Variants in RALYL observed in about 807,000 individuals in gnomAD.
RALYL encodes the protein RALY RNA binding protein like, also known as RNA-binding Raly-like protein.
Under a neutral mutation model 35.1 loss-of-function variants are expected in RALYL, and 29 were observed. The observed-to-expected ratio is 0.83, with a 90% CI of 0.61 to 1.13. The LOEUF is 1.13. RALYL is among the 50% of genes most tolerant of loss of function. The pLI is 0.00. For synonymous variants in RALYL, 120 were observed against 127.6 expected (o/e 0.94, Z 0.40); for missense variants, 359 against 360.4 (o/e 1.00, Z 0.03).
intron 3 of RALYL, among the ~76,000 whole-genome samples, chr8:84,799,501 G>A (rs2133948725): frequency 6.6e-6 from 1 of 152,294 alleles, no homozygotes; most frequent in South Asian, 2.1e-4. Context: ...AATAAGAATT[G>A]AGAGGCAAGT....
chr8:84,317,639 G>A (rs961809396), intron 1 of RALYL, among the ~76,000 whole-genome samples: 1 of 152,160 alleles, frequency 6.6e-6, no homozygotes, highest in African/African-American at 2.4e-5. Flanking sequence ...ACATGGCCCT[G>A]TAAAAACAAG....
At chr8:84,226,034 C>G (rs1343539187) in intron 1 of RALYL, among the ~76,000 whole-genome samples, 2 of 152,186 alleles carry the variant, frequency 1.3e-5, no homozygotes, top group Non-Finnish European at 2.9e-5. Context: ...TGGACCAGTA[C>G]TGGTCTGTGG....
intron 2 of RALYL, among the ~76,000 whole-genome samples, chr8:84,600,637 C>G (rs1588438505): frequency 6.6e-6 from 1 of 152,230 alleles, no homozygotes; most frequent in East Asian, 1.9e-4. Context: ...GGACTCTGTG[C>G]ACAGCCCATC....
In RALYL at chr8:84,464,248, G is replaced by A. The variant is rs541749482; in HGVS notation, c.-23-65051G>A. 1.8e-3 allele frequency among the ~76,000 whole-genome samples: 265 copies of A among 151,028 alleles called. 1 individual carries two copies. Among genetic ancestry groups the A allele is most frequent in the African/African-American group, 6.1e-3 (249 of 41,102 alleles). On this transcript the variant is annotated intron_variant, in intron 1 of 8. Transcript: ENST00000521268. ...GCTGGTGCGCTGCATCCACTAACTC[G>A]TCATCTAGCATTAGGTATATCTCCC...
rs1173597179 is a variant in RALYL, at chr8:84,613,099, G to GA, written c.256+83528dup. On this transcript the variant is annotated intron_variant, in intron 2 of 8. Transcript: ENST00000521268. ...AGGTAAAGAAGTTAATCAAATACTA[G>GA]AAAAAATAAAATATCTAGGTAAACA... 2.6e-5 allele frequency among the ~76,000 whole-genome samples: 4 copies of GA among 151,444 alleles called. No individual in the cohort carries two copies. The East Asian group carries it at 7.8e-4, about 29-fold the overall frequency.
At chr8:84,884,767 T>G (rs913280098) in intron 7 of RALYL, among the ~76,000 whole-genome samples, 2 of 152,062 alleles carry the variant, frequency 1.3e-5, no homozygotes, top group Non-Finnish European at 2.9e-5. Flanking sequence ...TTTATAAGAT[T>G]CAAAGCATTT....
chr8:84,712,018 A>G (rs1842268608), intron 2 of RALYL, among the ~76,000 whole-genome samples: 1 of 152,150 alleles, frequency 6.6e-6, no homozygotes, highest in Non-Finnish European at 1.5e-5. Flanking sequence ...TATACCAGAA[A>G]AAACAAACTA....
rs574155890 is a variant in RALYL at position 84,710,378 on chromosome 8, C to T, written c.257-64201C>T. On this transcript the variant is annotated intron_variant, in intron 2 of 8. Transcript: ENST00000521268. Reference sequence around the variant, plus strand: ...AGCGGTACAATCTCAGCTCACTGCACTGCAAACTCTGCCTCCAGGTTCAAG... The same window carrying T: ...AGCGGTACAATCTCAGCTCACTGCATTGCAAACTCTGCCTCCAGGTTCAAG... 2.0e-5 allele frequency among the ~76,000 whole-genome samples: 3 copies of T among 152,172 alleles called. No individual in the cohort carries two copies. The East Asian group carries it at 5.8e-4, about 30-fold the overall frequency.
At chr8:84,815,395 A>G (rs910782947) in intron 4 of RALYL, among the ~76,000 whole-genome samples, 1 of 147,306 alleles carries the variant, frequency 6.8e-6, no homozygotes, top group Admixed American at 6.8e-5. Context: ...TATTATAAGT[A>G]TTTATATATT....
chr8:84,522,736 G>A (rs1005636257), intron 1 of RALYL, among the ~76,000 whole-genome samples: 3 of 152,110 alleles, frequency 2.0e-5, no homozygotes, highest in Non-Finnish European at 4.4e-5. Flanking sequence ...CTAGACTTCA[G>A]CAGATTATAA....
intron 4 of RALYL, among the ~76,000 whole-genome samples, chr8:84,848,584 A>G (rs1835155735): frequency 6.6e-6 from 1 of 152,154 alleles, no homozygotes; most frequent in African/African-American, 2.4e-5. Context: ...CAAATATTGT[A>G]TGACTATATG....
At chr8:84,823,220 A>T (rs769903159) in intron 4 of RALYL, among the ~76,000 whole-genome samples, 5 of 152,184 alleles carry the variant, frequency 3.3e-5, no homozygotes, top group Non-Finnish European at 7.4e-5. Context: ...TCTTTACTGC[A>T]ATAAGCCAGG....
chr8:84,814,651 T>C (rs946117343), intron 4 of RALYL, among the ~76,000 whole-genome samples: 2 of 152,150 alleles, frequency 1.3e-5, no homozygotes, highest in African/African-American at 4.8e-5. Flanking sequence ...CAAAGAAAGT[T>C]ACAAGAAGTT....
chr8:84,205,225 T>C (rs1007865865), intron 1 of RALYL, among the ~76,000 whole-genome samples: 1 of 152,242 alleles, frequency 6.6e-6, no homozygotes, highest in African/African-American at 2.4e-5. Context: ...GTTCTCGATA[T>C]GCAATTACTG....
At chr8:84,769,541 A>G (rs1190801832) in intron 2 of RALYL, among the ~76,000 whole-genome samples, 1 of 152,130 alleles carries the variant, frequency 6.6e-6, no homozygotes. Flanking sequence ...CTGGAGGATC[A>G]CTTGAGGTCA....
At chr8:84,658,301 T>A (rs550594290) in intron 2 of RALYL, among the ~76,000 whole-genome samples, 6 of 152,306 alleles carry the variant, frequency 3.9e-5, no homozygotes, top group Non-Finnish European at 7.3e-5. Context: ...AAAAAGTGTG[T>A]TTCTGGCTTC....
At chr8:84,623,837 T>G (rs1311096818) in intron 2 of RALYL, among the ~76,000 whole-genome samples, 1 of 152,110 alleles carries the variant, frequency 6.6e-6, no homozygotes, top group Non-Finnish European at 1.5e-5. Context: ...GAGCATGGAA[T>G]CCAAGCCTAA....
chr8:84,243,500 AC>A (rs1335331503), intron 1 of RALYL, among the ~76,000 whole-genome samples: 45 of 89,384 alleles, frequency 5.0e-4, no homozygotes, highest in African/African-American at 2.1e-3. Context: ...TCTCTCTCAC[AC>A]TTTTTTTTTT....
intron 1 of RALYL, among the ~76,000 whole-genome samples, chr8:84,497,630 G>GTTTTT (rs1181968193): frequency 8.4e-5 from 10 of 119,146 alleles, no homozygotes; most frequent in African/African-American, 3.2e-4. Flanking sequence ...TTTTTTTGTT[G>GTTTTT]TTTTTGTTTT....
Sources: allele counts gnomAD v4.1 joint callset (sites outside exome capture counted in the v4.1 genomes callset), GRCh38; gene constraint gnomAD v4.1.1; transcripts MANE v1.5; gene names NCBI Gene and HGNC (gene_info 2026-07-23, HGNC 2026-07-21).